Variants in PSMD1 observed in about 807,000 individuals in gnomAD.
PSMD1 encodes 26S proteasome non-ATPase regulatory subunit 1.
PSMD1 carries 18 observed loss-of-function variants against 119.0 expected under a neutral mutation model. The observed-to-expected ratio is 0.15, with a 90% CI of 0.10 to 0.22. PSMD1 has a LOEUF of 0.22. PSMD1 is among the 10% of genes least tolerant of loss of function. The pLI, the probability that PSMD1 is intolerant of heterozygous loss-of-function variation, is 1.00. For synonymous variants in PSMD1, 374 were observed against 396.6 expected (o/e 0.94, Z 0.68); for missense variants, 702 against 1,158.5 (o/e 0.61, Z 5.72).
rs780579867 is a variant in PSMD1 at position 231,163,629 on chromosome 2, C to A, written c.2389-6C>A. On this transcript the variant is annotated splice_polypyrimidine_tract_variant and splice_region_variant and intron_variant, in intron 20 of 24. Coordinates refer to ENST00000308696, the MANE Select transcript of PSMD1 (RefSeq NM_002807.4). ...AGCCAATGTTATTTTAATGGAATTT[C>A]TTCAGATGCCGAAAGTTCAGTATAA... 6.2e-7 allele frequency: 1 copy of A among 1,602,864 alleles called. No individual in the cohort carries two copies. Among genetic ancestry groups the A allele is most frequent in the South Asian group, 1.1e-5 (1 of 90,694 alleles).
chr2:231,146,203 TTA>T (rs1696247838), intron 17 of PSMD1, 35 bp from the exon 18 acceptor site: 1 of 1,436,786 alleles, frequency 7.0e-7, no homozygotes. Flanking sequence ...CATATCAACT[TTA>T]TTTAAAAGTT....
chr2:231,103,522 A>G (rs756237456), intron 16 of PSMD1, among the ~76,000 whole-genome samples: 59 of 152,334 alleles, frequency 3.9e-4, no homozygotes, highest in Admixed American at 2.7e-3. Context: ...CATTTTGTCA[A>G]AAGATCTGCC....
At chr2:231,159,483 C>T (rs1196619121) in intron 19 of PSMD1, among the ~76,000 whole-genome samples, 2 of 152,136 alleles carry the variant, frequency 1.3e-5, no homozygotes, top group Non-Finnish European at 2.9e-5. Context: ...CCTAGTAATC[C>T]TGGACCTACA....
chr2:231,074,847 A>T (rs371472209), intron 7 of PSMD1, among the ~76,000 whole-genome samples: 15 of 151,738 alleles, frequency 9.9e-5, no homozygotes, highest in South Asian at 4.2e-4. Flanking sequence ...GGATCTCCTG[A>T]CTCTGTTTCC....
intron 12 of PSMD1, among the ~76,000 whole-genome samples, chr2:231,082,090 T>C (rs1349628796): frequency 6.6e-6 from 1 of 152,218 alleles, no homozygotes; most frequent in Non-Finnish European, 1.5e-5. Context: ...TGAGACAGTT[T>C]CTTGCTGTGC....
intron 16 of PSMD1, among the ~76,000 whole-genome samples, chr2:231,113,185 A>G (rs954743442): frequency 6.6e-6 from 1 of 152,104 alleles, no homozygotes; most frequent in African/African-American, 2.4e-5. Context: ...AAACAAACCA[A>G]AAAAACCCAC....
intron 19 of PSMD1, among the ~76,000 whole-genome samples, chr2:231,161,095 C>T (rs1559254290): frequency 6.6e-6 from 1 of 152,034 alleles, no homozygotes; most frequent in Non-Finnish European, 1.5e-5. Context: ...ACATGTAGTC[C>T]TAGCTACTCG....
rs1454809241 is a variant in PSMD1 at position 231,166,037 on chromosome 2, T to C, written c.2715+20T>C. ...AAACCAGTAAGTTACCAGTGACTCT[T>C]AGCTGTATATACCAGTGGGATATTA... is the stretch of plus-strand genomic sequence containing the variant. On this transcript the variant is annotated intron_variant, in intron 23 of 24. Transcript: ENST00000308696. The C allele has an allele frequency of 1.2e-6, 2 of 1,602,932 alleles. No homozygotes were observed. Among genetic ancestry groups the C allele is most frequent in the Admixed American group, 3.4e-5 (2 of 58,482 alleles).
rs571115677 is a variant in PSMD1, at chr2:231,136,460, A to G, written c.1884-2276A>G. Among the ~76,000 whole-genome samples, 13 of 152,320 alleles carry G rather than the reference A, an allele frequency of 8.5e-5. No individual in the cohort carries two copies. The East Asian group carries it at 2.5e-3, about 29-fold the overall frequency. On this transcript the variant is annotated intron_variant, in intron 16 of 24. Coordinates refer to ENST00000308696, the MANE Select transcript of PSMD1 (RefSeq NM_002807.4). ...CTTGGGCCAATAGTTTATGAATTTTATTTTATTGGTTTGAATTACTGAAAT... is the reference window on the plus strand; with the variant it reads ...CTTGGGCCAATAGTTTATGAATTTTGTTTTATTGGTTTGAATTACTGAAAT...
chr2:231,066,684 AAATGTTTTGAAT>A (rs1468285020), intron 4 of PSMD1, among the ~76,000 whole-genome samples: 2 of 152,162 alleles, frequency 1.3e-5, no homozygotes, highest in African/African-American at 2.4e-5. Flanking sequence ...TGGCAGATAG[AAATGTTTTGAAT>A]AATGTCAACT....
intron 16 of PSMD1, among the ~76,000 whole-genome samples, chr2:231,105,877 A>T (rs1256905886): frequency 1.3e-5 from 2 of 151,920 alleles, no homozygotes; most frequent in African/African-American, 4.8e-5. Flanking sequence ...TTCTCTGTAT[A>T]CTGTTCTCTG....
chr2:231,130,997 G>A (rs1695840555), intron 16 of PSMD1, among the ~76,000 whole-genome samples: 1 of 152,170 alleles, frequency 6.6e-6, no homozygotes, highest in Non-Finnish European at 1.5e-5. Flanking sequence ...ATGATTTAAT[G>A]TATTTTCTTT....
At chr2:231,087,313 A>G (rs1694476846) in intron 16 of PSMD1, 132 bp downstream of exon 16, 1 of 675,048 alleles carries the variant, frequency 1.5e-6, no homozygotes, top group Non-Finnish European at 2.5e-6. Context: ...CTGGGTTCAG[A>G]GTGAGGACCA....
intron 8 of PSMD1, among the ~76,000 whole-genome samples, chr2:231,076,157 A>G (rs1694158626): frequency 6.6e-6 from 1 of 152,208 alleles, no homozygotes; most frequent in Non-Finnish European, 1.5e-5. Flanking sequence ...CAAATTACCT[A>G]TCACAGGGTG....
intron 16 of PSMD1, chr2:231,109,356 T>G: frequency 6.2e-7 from 1 of 1,614,104 alleles, no homozygotes. Flanking sequence ...GTGATATTGT[T>G]TGGGTTGTCC....
chr2:231,082,005 T>C (rs1166596582), intron 12 of PSMD1, among the ~76,000 whole-genome samples: 1 of 152,126 alleles, frequency 6.6e-6, no homozygotes, highest in Non-Finnish European at 1.5e-5. Context: ...TGAAAGAGAG[T>C]TGTCCTCTCT....
chr2:231,074,342 G>T (rs922633146), intron 7 of PSMD1, among the ~76,000 whole-genome samples: 1 of 152,090 alleles, frequency 6.6e-6, no homozygotes, highest in African/African-American at 2.4e-5. Context: ...CTGACCTCAG[G>T]TGATCCGCTT....
At chr2:231,099,605 G>C (rs1694813935) in intron 16 of PSMD1, among the ~76,000 whole-genome samples, 1 of 152,070 alleles carries the variant, frequency 6.6e-6, no homozygotes. Flanking sequence ...CCATCTTGAT[G>C]GTTTTGGGGT....
chr2:231,073,437 T>C (rs1694086209), intron 7 of PSMD1, among the ~76,000 whole-genome samples: 1 of 152,202 alleles, frequency 6.6e-6, no homozygotes, highest in Non-Finnish European at 1.5e-5. Context: ...AAAACTATGC[T>C]AAGTCTTGCA....
Sources: gnomAD v4.1 joint callset for allele counts (sites outside exome capture counted in the v4.1 genomes callset) on GRCh38, gnomAD v4.1.1 for gene constraint, MANE v1.5 for transcripts, NCBI Gene and HGNC (gene_info 2026-07-23, HGNC 2026-07-21) for gene names.